LRRFIP1: variants seen among roughly 807,000 people sequenced by gnomAD.
The protein encoded by LRRFIP1 is leucine-rich repeat flightless-interacting protein 1.
LRRFIP1 carries 62 observed loss-of-function variants against 104.4 expected under a neutral mutation model. The ratio of observed to expected loss-of-function variants is 0.59; its 90% CI spans 0.48 to 0.73. The LOEUF is 0.73. Ranked by LOEUF, LRRFIP1 falls within the 30% of genes least tolerant of loss-of-function variation. LRRFIP1 has a pLI of 0.00. For synonymous variants in LRRFIP1, 300 were observed against 299.0 expected (o/e 1.00, Z -0.03); for missense variants, 796 against 824.5 (o/e 0.97, Z 0.42).
intron 1 of LRRFIP1, among the ~76,000 whole-genome samples, chr2:237,632,417 C>T (rs1450675209): frequency 2.0e-5 from 3 of 152,254 alleles, no homozygotes; most frequent in Non-Finnish European, 4.4e-5. Flanking sequence ...CCAGCCCTTC[C>T]CTGACTGGCC....
At chr2:237,775,063 A>G (rs577619758) in intron 23 of LRRFIP1, among the ~76,000 whole-genome samples, 1 of 152,364 alleles carries the variant, frequency 6.6e-6, no homozygotes, top group Non-Finnish European at 1.5e-5. Context: ...CAGGTGCTGG[A>G]GATGCAGCTG....
At chr2:237,731,040 C>T (rs185505071) in intron 8 of LRRFIP1, among the ~76,000 whole-genome samples, 13 of 152,346 alleles carry the variant, frequency 8.5e-5, no homozygotes, top group Admixed American at 6.5e-5. Context: ...GCAGAGGCCG[C>T]GCAGAATGGG....
In LRRFIP1 at chr2:237,661,222, G is replaced by GTT. The variant is rs916239593; in HGVS notation, c.96+33484_96+33485dup. 1.1e-4 allele frequency among the ~76,000 whole-genome samples: 17 copies of GTT among 152,328 alleles called. No homozygotes were observed. The highest frequency in any genetic ancestry group is 7.8e-4 in the Admixed American group (12 of 15,306). On this transcript the variant is annotated intron_variant, in intron 1 of 23. Transcript: ENST00000308482. The surrounding 1 kb of genome is among the most constrained non-coding windows in gnomAD (Gnocchi z 4.4). ...CAGAAGCCCCTGAAGTGATTGAGCTGTTTCCTGGGCCCTCTGATGATTCTC... is the reference window on the plus strand; with the variant it reads ...CAGAAGCCCCTGAAGTGATTGAGCTGTTTTTCCTGGGCCCTCTGATGATTCTC...
intron 1 of LRRFIP1, among the ~76,000 whole-genome samples, chr2:237,663,868 G>C (rs1169075103): frequency 1.3e-5 from 2 of 152,200 alleles, no homozygotes; most frequent in Admixed American, 6.5e-5. Flanking sequence ...GGCCATAGGG[G>C]AGAGGGGAGC....
intron 1 of LRRFIP1, chr2:237,683,370 T>G (rs149643639): frequency 6.6e-6 from 1 of 152,104 alleles, no homozygotes; most frequent in African/African-American, 2.4e-5. Flanking sequence ...TGGTCAGGAG[T>G]GGCTATTTGA....
intron 2 of LRRFIP1, chr2:237,708,848 G>C (rs2093944343): frequency 2.9e-6 from 2 of 683,406 alleles, no homozygotes; most frequent in African/African-American, 3.5e-5. Context: ...GCTCCTGAGA[G>C]GGGCTTAGAA....
At chr2:237,763,549 G>A (rs552983334) in intron 19 of LRRFIP1, 1 of 1,613,222 alleles carries the variant, frequency 6.2e-7, no homozygotes, top group Admixed American at 1.7e-5. Flanking sequence ...AGCAGGTAAA[G>A]TCTACTGACA....
In LRRFIP1 at chr2:237,735,367, G is replaced by A. The variant is rs201122061; in HGVS notation, c.555+34G>A. ...CTTTCGGTGATACCTCCTTTCCCCC[G>A]TGCCTGCTGCATGGCCTGGGGATGC... On this transcript the variant is annotated intron_variant, in intron 10 of 23. Transcript: ENST00000308482. The surrounding 1 kb of genome is among the most constrained non-coding windows in gnomAD (Gnocchi z 4.6). 20 of 1,600,420 alleles carry A rather than the reference G, an allele frequency of 1.2e-5. No individual in the cohort carries two copies. Among genetic ancestry groups the A allele is most frequent in the Admixed American group, 5.1e-5 (3 of 59,172 alleles).
At chr2:237,774,001 A>T in intron 22 of LRRFIP1, 1 of 202,412 alleles carries the variant, frequency 4.9e-6, no homozygotes, top group Non-Finnish European at 1.0e-5. Context: ...ATTAGACTGG[A>T]GCTGAGGTCG....
chr2:237,725,123 A>G (rs1398169292), intron 7 of LRRFIP1, among the ~76,000 whole-genome samples: 1 of 152,302 alleles, frequency 6.6e-6, no homozygotes, highest in East Asian at 1.9e-4. Flanking sequence ...CCTGTATTAG[A>G]ACATACTAAC....
At chr2:237,700,168 G>C (rs1008332653) in intron 1 of LRRFIP1, among the ~76,000 whole-genome samples, 1 of 152,192 alleles carries the variant, frequency 6.6e-6, no homozygotes, top group Non-Finnish European at 1.5e-5. Flanking sequence ...TCTGAGGGTT[G>C]GGGGGTTTGC....
intron 1 of LRRFIP1, among the ~76,000 whole-genome samples, chr2:237,687,597 C>T (rs9287624): frequency 0.77 from 107,408 of 138,822 alleles, 41,662 homozygotes; most frequent in Middle Eastern, 0.87. Flanking sequence ...GAGCGAGACT[C>T]CATCTCAAAA....
At chr2:237,692,477 C>G (rs2092872823) in intron 1 of LRRFIP1, 2 of 1,532,546 alleles carry the variant, frequency 1.3e-6, no homozygotes, top group Non-Finnish European at 1.8e-6. Flanking sequence ...CGCGGCCGCT[C>G]AAAGCCGGGA....
chr2:237,758,624 A>G, intron 17 of LRRFIP1, 105 bp from the exon 18 acceptor site: 2 of 721,492 alleles, frequency 2.8e-6, no homozygotes, highest in South Asian at 1.7e-5. Flanking sequence ...TCTAGAGTCC[A>G]CTAGTGTTTT....
intron 23 of LRRFIP1, among the ~76,000 whole-genome samples, chr2:237,778,491 G>A (rs374582677): frequency 5.9e-5 from 9 of 152,348 alleles, no homozygotes; most frequent in African/African-American, 1.7e-4. Context: ...AGGTGTGGCC[G>A]TCTTGGCCTC....
chr2:237,765,392 C>A, intron 19 of LRRFIP1: 1 of 740,852 alleles, frequency 1.3e-6, no homozygotes, highest in Non-Finnish European at 1.6e-6. Flanking sequence ...GCTATGATTG[C>A]ACACTGTACT....
intron 1 of LRRFIP1, among the ~76,000 whole-genome samples, chr2:237,645,345 C>CCT (rs772591706): frequency 1.4e-4 from 22 of 152,278 alleles, no homozygotes; most frequent in South Asian, 1.0e-3. Flanking sequence ...GCCCCGTGCC[C>CCT]CTGGCTGTGT....
chr2:237,679,479 T>C (rs539163006), intron 1 of LRRFIP1, among the ~76,000 whole-genome samples: 2 of 152,312 alleles, frequency 1.3e-5, no homozygotes, highest in East Asian at 1.9e-4. Flanking sequence ...ACTGAAAGGG[T>C]GTAGATAAAA....
At chr2:237,773,452 C>T (rs2060820806) in intron 22 of LRRFIP1, among the ~76,000 whole-genome samples, 1 of 152,106 alleles carries the variant, frequency 6.6e-6, no homozygotes, top group South Asian at 2.1e-4. Flanking sequence ...GCAGGAGAAT[C>T]GCTTGAACCA....
Sources: gnomAD v4.1 joint callset for allele counts (sites outside exome capture counted in the v4.1 genomes callset) on GRCh38, gnomAD v4.1.1 for gene constraint, Gnocchi (gnomAD v3.1) non-coding constraint, MANE v1.5 for transcripts, NCBI Gene and HGNC (gene_info 2026-07-23, HGNC 2026-07-21) for gene names.